ZNF362: variants seen among roughly 807,000 people sequenced by gnomAD.
ZNF362 encodes the protein rotund homolog.
Under a neutral mutation model 42.9 loss-of-function variants are expected in ZNF362, and 11 were observed. That is an observed-to-expected ratio of 0.26 (90% CI 0.16 to 0.42). The LOEUF (loss-of-function observed/expected upper bound fraction) is 0.42. Among genes scored for constraint, ZNF362 ranks in the 20% least tolerant of loss-of-function variants. The pLI, the probability that ZNF362 is intolerant of heterozygous loss-of-function variation, is 1.00. For synonymous variants in ZNF362, 255 were observed against 257.3 expected (o/e 0.99, Z 0.09); for missense variants, 362 against 576.2 (o/e 0.63, Z 3.81).
At chr1:33,267,235 A>T (rs1357041705) in intron 1 of ZNF362, among the ~76,000 whole-genome samples, 2 of 152,188 alleles carry the variant, frequency 1.3e-5, no homozygotes, top group African/African-American at 4.8e-5. Context: ...GTCACATAAG[A>T]ATACTCTTCC....
chr1:33,256,363 G>T (rs1476141159), upstream of ZNF362, among the ~76,000 whole-genome samples: 1 of 143,724 alleles, frequency 7.0e-6, no homozygotes, highest in Non-Finnish European at 1.5e-5. Context: ...AGAGGCGGGG[G>T]CCCGACGCGG....
At chr1:33,202,600 A>T in the ZNF362 span, among the ~76,000 whole-genome samples, 1 of 151,680 alleles carries the variant, frequency 6.6e-6, no homozygotes, top group Non-Finnish European at 1.5e-5. Context: ...TCCATAAAAA[A>T]AAAAAAAAAG....
chr1:33,181,075 G>A, the ZNF362 span: 54 of 1,600,310 alleles, frequency 3.4e-5, no homozygotes, highest in Non-Finnish European at 4.1e-5. This position sits in a 1 kb window ranked among gnomAD's most constrained non-coding sequence, Gnocchi z 6.5. Context: ...TGCTGCTCGT[G>A]CAGTGCAGGC....
chr1:33,196,480 T>C, the ZNF362 span, among the ~76,000 whole-genome samples: 1 of 152,182 alleles, frequency 6.6e-6, no homozygotes, highest in East Asian at 1.9e-4. Context: ...TATCACTGTC[T>C]TCCAAGTCCA....
the ZNF362 span, among the ~76,000 whole-genome samples, chr1:33,238,117 G>C: frequency 1.6e-4 from 25 of 151,970 alleles, no homozygotes; most frequent in African/African-American, 6.0e-4. Flanking sequence ...AGGCGTTCAA[G>C]ACCAGCCTGG....
intron 1 of ZNF362, among the ~76,000 whole-genome samples, chr1:33,263,366 C>T (rs1185250390): frequency 6.6e-6 from 1 of 151,978 alleles, no homozygotes; most frequent in East Asian, 1.9e-4. Context: ...AGGTCCCTGC[C>T]CTAGCGGAGG....
chr1:33,176,503 C>T, the ZNF362 span: 19 of 668,878 alleles, frequency 2.8e-5, no homozygotes, highest in Admixed American at 1.2e-4. Context: ...CTGGAGGGGG[C>T]GGCTGAGACT....
At chr1:33,275,458 A>T in intron 2 of ZNF362, 1 of 908,668 alleles carries the variant, frequency 1.1e-6, no homozygotes, top group Non-Finnish European at 1.3e-6. Flanking sequence ...CAGATGTTGC[A>T]CGTGACATTG....
chr1:33,276,255 T>G (rs1645945421), intron 3 of ZNF362, 92 bp downstream of exon 3: 1 of 1,583,616 alleles, frequency 6.3e-7, no homozygotes, highest in African/African-American at 1.3e-5. Flanking sequence ...GGGAGCGGGG[T>G]GAGGAGCGAG....
intron 2 of ZNF362, among the ~76,000 whole-genome samples, chr1:33,273,365 G>T (rs999153950): frequency 1.3e-5 from 2 of 152,190 alleles, no homozygotes; most frequent in African/African-American, 4.8e-5. Flanking sequence ...TAGGGTGAAG[G>T]GTGGCCCCTG....
chr1:33,182,600 TTGTGTGTGTG>T, the ZNF362 span, among the ~76,000 whole-genome samples: 25 of 147,082 alleles, frequency 1.7e-4, no homozygotes, highest in Non-Finnish European at 2.7e-4. Context: ...AGTGCTGTAT[TTGTGTGTGTG>T]TGTGTGTGTG....
chr1:33,249,193 G>T, the ZNF362 span, among the ~76,000 whole-genome samples: 3 of 152,226 alleles, frequency 2.0e-5, no homozygotes, highest in African/African-American at 7.2e-5. Flanking sequence ...AGCTTGCTAG[G>T]TGACAGGGCA....
At chr1:33,158,434 C>G in the ZNF362 span, 2 of 1,326,454 alleles carry the variant, frequency 1.5e-6, no homozygotes, top group Admixed American at 1.7e-5. Context: ...CCAGGGGCCC[C>G]GCAGCCACCT....
chr1:33,223,285 A>C, the ZNF362 span, among the ~76,000 whole-genome samples: 16 of 152,148 alleles, frequency 1.1e-4, no homozygotes, highest in African/African-American at 3.6e-4. Context: ...AAAACACAGG[A>C]GTTTCCCTGC....
chr1:33,155,817 GGGGGATCT>G, the ZNF362 span, among the ~76,000 whole-genome samples: 2 of 152,054 alleles, frequency 1.3e-5, no homozygotes, highest in Non-Finnish European at 2.9e-5. Context: ...CTGCCCTTGG[GGGGGATCT>G]GTGATTTTGG....
At chr1:33,189,671 A>ATATATATATATATATATATG in the ZNF362 span, among the ~76,000 whole-genome samples, 1 of 105,044 alleles carries the variant, frequency 9.5e-6, no homozygotes, top group African/African-American at 3.6e-5. Context: ...ATATATATAT[A>ATATATATATATATATATATG]TGTATATATA....
chr1:33,186,109 A>G, the ZNF362 span, among the ~76,000 whole-genome samples: 12 of 152,136 alleles, frequency 7.9e-5, no homozygotes, highest in South Asian at 4.1e-4. Flanking sequence ...TTGAGGCACA[A>G]TTGCTATTAT....
chr1:33,181,411 C>T, the ZNF362 span: 2 of 1,601,020 alleles, frequency 1.2e-6, no homozygotes, highest in East Asian at 2.3e-5. This position sits in a 1 kb window ranked among gnomAD's most constrained non-coding sequence, Gnocchi z 6.5. Flanking sequence ...CACAGCAGCT[C>T]GTCCTTGAGG....
the ZNF362 span, chr1:33,166,276 G>T: frequency 6.6e-6 from 1 of 152,152 alleles, no homozygotes; most frequent in African/African-American, 2.4e-5. Flanking sequence ...AATAATAATA[G>T]AAATAAAGTG....
Sources: allele counts gnomAD v4.1 joint callset (sites outside exome capture counted in the v4.1 genomes callset), GRCh38; gene constraint gnomAD v4.1.1; non-coding constraint Gnocchi (gnomAD v3.1); transcripts MANE v1.5; gene names NCBI Gene and HGNC (gene_info 2026-07-23, HGNC 2026-07-21).